AK4: variants seen among roughly 807,000 people sequenced by gnomAD.
AK4 encodes the protein adenylate kinase 4, also known as adenylate kinase 4, mitochondrial.
Under a neutral mutation model 24.6 loss-of-function variants are expected in AK4, and 13 were observed. The ratio of observed to expected loss-of-function variants is 0.53; its 90% CI spans 0.34 to 0.84. The LOEUF (loss-of-function observed/expected upper bound fraction) is 0.84, where lower values mean the gene tolerates loss of function less well. Among genes scored for constraint, AK4 ranks in the 40% least tolerant of loss-of-function variants. The pLI is 0.01. For missense variants in AK4, 192 were observed against 288.2 expected, an observed-to-expected ratio of 0.67 and a Z score of 2.42; for synonymous variants, 88 against 107.0, an observed-to-expected ratio of 0.82 and a Z score of 1.10.
At chr1:65,173,574 CCTT>C (rs1452364875) in intron 1 of AK4, among the ~76,000 whole-genome samples, 3 of 152,206 alleles carry the variant, frequency 2.0e-5, no homozygotes, top group Admixed American at 6.5e-5. Context: ...ACCCGACCCT[CCTT>C]CTTTCCTTCT....
chr1:65,176,950 A>T (rs1650737109), intron 1 of AK4, among the ~76,000 whole-genome samples: 1 of 152,224 alleles, frequency 6.6e-6, no homozygotes, highest in Non-Finnish European at 1.5e-5. Context: ...TCACATTACA[A>T]ATTCTTTCAT....
At chr1:65,219,858 A>G (rs1010653811) in intron 3 of AK4, among the ~76,000 whole-genome samples, 1 of 152,178 alleles carries the variant, frequency 6.6e-6, no homozygotes, top group Non-Finnish European at 1.5e-5. Flanking sequence ...GAATAGTTTC[A>G]TGGTCTTATA....
Position 65,218,827 on chromosome 1 carries a change from T to G in AK4, c.339T>G (p.Asn113Lys), listed in dbSNP as rs1234600007. The G allele has an allele frequency of 1.9e-5, 31 of 1,607,392 alleles. 1 individual carries two copies. The Admixed American group carries it at 5.1e-4, about 26-fold the overall frequency. The change falls in exon 3 of 5, where the codon AAT becomes AAG. Residue 113 changes from asparagine (N) to lysine (K), a missense_variant. Transcript: ENST00000327299. ...ICEVDLVISL[N>K]IPFETLKDRL... Reference sequence around the variant, plus strand: ...AAGTGGATCTAGTGATCAGTTTGAATATTCCATTTGAAACACTTAAAGATC... The same window carrying G: ...AAGTGGATCTAGTGATCAGTTTGAAGATTCCATTTGAAACACTTAAAGATC...
intron 2 of AK4, among the ~76,000 whole-genome samples, chr1:65,192,275 A>G (rs1651330590): frequency 1.3e-5 from 2 of 152,210 alleles, no homozygotes; most frequent in East Asian, 3.9e-4. Context: ...GAAGGCATCA[A>G]ATGGGGAAGA....
chr1:65,175,390 A>T (rs939712180), intron 1 of AK4, among the ~76,000 whole-genome samples: 1 of 152,238 alleles, frequency 6.6e-6, no homozygotes, highest in African/African-American at 2.4e-5. Context: ...CATGGGCAGC[A>T]GTAGCAATCC....
At chr1:65,209,946 T>C (rs1287468312) in intron 2 of AK4, among the ~76,000 whole-genome samples, 1 of 152,094 alleles carries the variant, frequency 6.6e-6, no homozygotes, top group Non-Finnish European at 1.5e-5. Flanking sequence ...TAGCTGGGAC[T>C]AAAGGCATAT....
intron 3 of AK4, 88 bp downstream of exon 3, chr1:65,219,014 C>G (rs1330256648): frequency 9.9e-7 from 1 of 1,006,518 alleles, no homozygotes; most frequent in Non-Finnish European, 1.4e-6. Flanking sequence ...ATGAGTAGAC[C>G]ATTCAAAAAA....
chr1:65,191,100 A>T (rs565421037), intron 2 of AK4, among the ~76,000 whole-genome samples: 1 of 152,350 alleles, frequency 6.6e-6, no homozygotes, highest in East Asian at 1.9e-4. Context: ...TCCGTAAGCC[A>T]TCCTGAGTAT....
chr1:65,222,237 A>G (rs181936714), intron 3 of AK4, among the ~76,000 whole-genome samples: 3 of 152,274 alleles, frequency 2.0e-5, no homozygotes, highest in East Asian at 3.9e-4. Flanking sequence ...CTGATAGTAC[A>G]CGTGGCTGAC....
chr1:65,187,736 G>C (rs903044694), intron 1 of AK4, among the ~76,000 whole-genome samples: 7 of 152,200 alleles, frequency 4.6e-5, no homozygotes, highest in Admixed American at 4.6e-4. Flanking sequence ...TAATGGTGGT[G>C]GTTGTTGCTC....
chr1:65,176,297 C>G (rs548883947), intron 1 of AK4, among the ~76,000 whole-genome samples: 2 of 152,126 alleles, frequency 1.3e-5, no homozygotes, highest in Non-Finnish European at 2.9e-5. Context: ...ACTGCCAACA[C>G]ATTTCTGGAC....
At chr1:65,156,925 C>CAAAAAAA (rs71829208) in intron 1 of AK4, among the ~76,000 whole-genome samples, 1 of 81,378 alleles carries the variant, frequency 1.2e-5, no homozygotes, top group Admixed American at 1.2e-4. Context: ...GACTGTGTCT[C>CAAAAAAA]AAAAAAAAAA....
chr1:65,212,755 T>C (rs1329839229), intron 2 of AK4, among the ~76,000 whole-genome samples: 1 of 152,170 alleles, frequency 6.6e-6, no homozygotes, highest in Admixed American at 6.5e-5. Context: ...GCAGCATCGT[T>C]GCATAGAAAG....
chr1:65,170,190 C>A (rs1650464492), intron 1 of AK4, among the ~76,000 whole-genome samples: 1 of 152,082 alleles, frequency 6.6e-6, no homozygotes, highest in African/African-American at 2.4e-5. Context: ...CGGTGAAACC[C>A]CGTCTACTAA....
chr1:65,165,576 A>G (rs1557441250), intron 1 of AK4, among the ~76,000 whole-genome samples: 1 of 149,528 alleles, frequency 6.7e-6, no homozygotes, highest in South Asian at 2.1e-4. Flanking sequence ...AAAAAAAAAA[A>G]GGAACCTTCA....
chr1:65,199,375 C>T (rs1042873938), intron 2 of AK4, among the ~76,000 whole-genome samples: 2 of 152,042 alleles, frequency 1.3e-5, no homozygotes, highest in Non-Finnish European at 2.9e-5. Context: ...TGGTGAAACC[C>T]CATCTTTATT....
chr1:65,212,080 C>T (rs1008236886), intron 2 of AK4, among the ~76,000 whole-genome samples: 7 of 152,090 alleles, frequency 4.6e-5, no homozygotes, highest in African/African-American at 1.7e-4. Context: ...ATGGCTGGCA[C>T]GGAGACGTGG....
At chr1:65,188,504 A>T (rs1291611076) in intron 1 of AK4, among the ~76,000 whole-genome samples, 1 of 152,134 alleles carries the variant, frequency 6.6e-6, no homozygotes, top group Admixed American at 6.6e-5. Flanking sequence ...TTTGAGATGG[A>T]GTCTTGCTCT....
intron 1 of AK4, among the ~76,000 whole-genome samples, chr1:65,171,549 C>T (rs2101009653): frequency 6.6e-6 from 1 of 152,080 alleles, no homozygotes; most frequent in Non-Finnish European, 1.5e-5. Flanking sequence ...TCCTGATCTG[C>T]CCACCTCGGC....
Sources: gnomAD v4.1 joint callset for allele counts (sites outside exome capture counted in the v4.1 genomes callset) on GRCh38, gnomAD v4.1.1 for gene constraint, MANE v1.5 for transcripts, NCBI Gene and HGNC (gene_info 2026-07-23, HGNC 2026-07-21) for gene names.